UGT1A8: variants seen among roughly 807,000 people sequenced by gnomAD.
The protein encoded by UGT1A8 is UDP glucuronosyltransferase family 1 member A8.
UGT1A8 carries 39 observed loss-of-function variants against 45.3 expected under a neutral mutation model. The ratio of observed to expected loss-of-function variants is 0.86; its 90% CI spans 0.67 to 1.12. UGT1A8 has a LOEUF of 1.12. Ranked by LOEUF, UGT1A8 falls within the 50% of genes most tolerant of loss-of-function variation. UGT1A8 has a pLI of 0.00. For synonymous variants in UGT1A8, 275 were observed against 249.2 expected (o/e 1.10, Z -0.97); for missense variants, 719 against 664.9 (o/e 1.08, Z -0.90).
At chr2:233,660,742 A>AT (rs1047135944) in intron 1 of UGT1A8, among the ~76,000 whole-genome samples, 13 of 151,896 alleles carry the variant, frequency 8.6e-5, no homozygotes, top group East Asian at 3.9e-4. Context: ...CTTTTGTGGC[A>AT]TTTTTTTTCT....
intron 1 of UGT1A8, among the ~76,000 whole-genome samples, chr2:233,758,923 C>T (rs1697018666): frequency 6.6e-6 from 1 of 152,192 alleles, no homozygotes; most frequent in Non-Finnish European, 1.5e-5. Context: ...TCATCTTTCC[C>T]TTTTGACTTC....
intron 1 of UGT1A8, chr2:233,739,100 G>C (rs1263190228): frequency 6.6e-6 from 1 of 152,274 alleles, no homozygotes; most frequent in African/African-American, 2.4e-5. Context: ...TCGATGTGGT[G>C]TTGGGCCTGC....
intron 1 of UGT1A8, among the ~76,000 whole-genome samples, chr2:233,668,162 C>A (rs529403575): frequency 6.6e-6 from 1 of 151,988 alleles, no homozygotes; most frequent in South Asian, 2.1e-4. Flanking sequence ...CCCATTAACT[C>A]GTCATTTACA....
At chr2:233,719,081 G>C (rs146146688) in intron 1 of UGT1A8, 13 of 1,614,146 alleles carry the variant, frequency 8.1e-6, no homozygotes, top group South Asian at 1.1e-5. Context: ...GGACCCAGAA[G>C]GAATTTGATC....
intron 1 of UGT1A8, chr2:233,682,701 C>T (rs543841942): frequency 3.1e-6 from 5 of 1,613,766 alleles, no homozygotes; most frequent in South Asian, 2.2e-5. Context: ...TTGTTGCGAA[C>T]TGACTTTGTT....
chr2:233,691,773 A>C, intron 1 of UGT1A8: 3 of 342,282 alleles, frequency 8.8e-6, no homozygotes, highest in Non-Finnish European at 1.2e-5. Context: ...TAGGATTCTC[A>C]CCACGTACTG....
In UGT1A8 at chr2:233,618,525, G is replaced by A. The variant is rs750935526; in HGVS notation, c.818G>A (p.Gly273Asp). The part of the protein sequence containing the change: ...KPVMPNMIFI[G>D]GINCHQGKPL... The stretch of plus-strand genomic sequence containing the variant: ...GTGATGCCCAATATGATCTTCATTG[G>A]TGGTATCAACTGCCATCAGGGAAAG... The change falls in exon 1 of 5, where the codon GGT becomes GAT. Residue 273 changes from glycine (G) to aspartate (D), a missense_variant. Coordinates refer to ENST00000373450, the MANE Select transcript of UGT1A8 (RefSeq NM_019076.5). The A allele has an allele frequency of 5.0e-6, 8 of 1,613,824 alleles. No individual in the cohort carries two copies. The highest frequency in any genetic ancestry group is 6.8e-6 in the Non-Finnish European group (8 of 1,179,828).
chr2:233,758,146 A>G (rs1260919985), intron 1 of UGT1A8, among the ~76,000 whole-genome samples: 1 of 152,228 alleles, frequency 6.6e-6, no homozygotes, highest in Non-Finnish European at 1.5e-5. Flanking sequence ...TGAGGGAATT[A>G]GCAATGGGTT....
At chr2:233,682,309 C>T in intron 1 of UGT1A8, 1 of 1,614,034 alleles carries the variant, frequency 6.2e-7, no homozygotes. Flanking sequence ...TTTCAAATTG[C>T]AGGAGTTTGT....
intron 1 of UGT1A8, among the ~76,000 whole-genome samples, chr2:233,723,802 C>T (rs1164778615): frequency 1.3e-4 from 6 of 44,668 alleles, no homozygotes; most frequent in Non-Finnish European, 3.8e-5. Context: ...ATCCATTTAA[C>T]CCTGAGTGGA....
At chr2:233,684,933 T>C (rs558186766) in intron 1 of UGT1A8, among the ~76,000 whole-genome samples, 2 of 148,394 alleles carry the variant, frequency 1.3e-5, no homozygotes, top group East Asian at 3.9e-4. Context: ...ACAGGATTCA[T>C]AGTCTGCATT....
At chr2:233,744,722 C>T (rs1486677492) in intron 1 of UGT1A8, among the ~76,000 whole-genome samples, 9 of 151,828 alleles carry the variant, frequency 5.9e-5, no homozygotes, top group Non-Finnish European at 1.2e-4. Flanking sequence ...GAGAGAATGA[C>T]GGTGAAAAAA....
rs138181984 is a variant in UGT1A8, at chr2:233,711,092, G to T, written c.856-55942G>T. On this transcript the variant is annotated intron_variant, in intron 1 of 4. Coordinates refer to ENST00000373450, the MANE Select transcript of UGT1A8 (RefSeq NM_019076.5). Reference sequence around the variant, plus strand: ...TATGCTGATGGCTCCAAGTCTATCTGTGCAGCCCAGACCCCTCCTCATCTC... The same window carrying T: ...TATGCTGATGGCTCCAAGTCTATCTTTGCAGCCCAGACCCCTCCTCATCTC... 8.3e-3 allele frequency among the ~76,000 whole-genome samples: 1,267 copies of T among 152,246 alleles called. 13 individuals carry two copies. The highest frequency in any genetic ancestry group is 0.028 in the African/African-American group (1,149 of 41,524).
intron 1 of UGT1A8, among the ~76,000 whole-genome samples, chr2:233,734,479 AT>A (rs1271707890): frequency 6.6e-6 from 1 of 151,796 alleles, no homozygotes; most frequent in Non-Finnish European, 1.5e-5. Flanking sequence ...GGATTCATTG[AT>A]TTTTTTGAAG....
intron 1 of UGT1A8, among the ~76,000 whole-genome samples, chr2:233,658,347 T>C (rs905315894): frequency 3.9e-5 from 6 of 152,166 alleles, no homozygotes; most frequent in Non-Finnish European, 8.8e-5. Context: ...TACGTTACTA[T>C]AGCATATTAT....
At chr2:233,720,813 C>T (rs929586898) in intron 1 of UGT1A8, among the ~76,000 whole-genome samples, 31 of 151,162 alleles carry the variant, frequency 2.1e-4, no homozygotes, top group Non-Finnish European at 4.3e-4. Context: ...TTAAGAAATT[C>T]TCCCACCTCA....
intron 1 of UGT1A8, among the ~76,000 whole-genome samples, chr2:233,704,262 T>A (rs1431021256): frequency 1.3e-5 from 2 of 151,410 alleles, no homozygotes; most frequent in African/African-American, 4.9e-5. Flanking sequence ...ATTGCTTTTT[T>A]TTTTTTTTTG....
At chr2:233,667,700 C>T (rs1304071524) in intron 1 of UGT1A8, among the ~76,000 whole-genome samples, 3 of 152,132 alleles carry the variant, frequency 2.0e-5, no homozygotes, top group Non-Finnish European at 4.4e-5. Flanking sequence ...AATCAAACAG[C>T]CCCATCAAAA....
chr2:233,636,598 G>A lies in UGT1A8; in HGVS notation c.855+18036G>A, dbSNP rs752375844. ...GCTGACCTGTGGCTTTGCCGAGGCA[G>A]GGAAGCTGCTGGTAGTGCCCATGGA... On this transcript the variant is annotated intron_variant, in intron 1 of 4. Transcript: ENST00000373450. 7 of 1,614,198 alleles carry A rather than the reference G, an allele frequency of 4.3e-6. No individual in the cohort carries two copies. The Admixed American group carries it at 1.2e-4, about 27-fold the overall frequency.
Sources: allele counts gnomAD v4.1 joint callset (sites outside exome capture counted in the v4.1 genomes callset), GRCh38; gene constraint gnomAD v4.1.1; transcripts MANE v1.5; gene names NCBI Gene and HGNC (gene_info 2026-07-23, HGNC 2026-07-21).